Variants in SEMA6D observed in about 807,000 individuals in gnomAD.
SEMA6D encodes semaphorin-6D.
Under a neutral mutation model 106.6 loss-of-function variants are expected in SEMA6D, and 35 were observed. The ratio of observed to expected loss-of-function variants is 0.33; its 90% CI spans 0.25 to 0.44. The LOEUF (loss-of-function observed/expected upper bound fraction) is 0.44. Among genes scored for constraint, SEMA6D ranks in the 20% least tolerant of loss-of-function variants. SEMA6D has a pLI of 1.00. For missense variants in SEMA6D, 1,185 were observed against 1,345.9 expected (o/e 0.88, Z 1.87); for synonymous variants, 499 against 487.7 (o/e 1.02, Z -0.31).
At chr15:47,658,178 A>G (rs772938685) in intron 4 of SEMA6D, among the ~76,000 whole-genome samples, 6 of 152,230 alleles carry the variant, frequency 3.9e-5, no homozygotes, top group Middle Eastern at 3.2e-3. Context: ...TGACTTATAA[A>G]AATAGTAAGA....
At position 47,763,877 on chromosome 15, in the gene SEMA6D, T is replaced by C; in HGVS notation, c.775T>C (p.Cys259Arg). 1 of 1,613,604 alleles carries C rather than the reference T, an allele frequency of 6.2e-7. No individual in the cohort carries two copies. Among genetic ancestry groups the C allele is most frequent in the Non-Finnish European group, 8.5e-7 (1 of 1,179,868 alleles). Residue 259 changes from cysteine (C) to arginine (R), a missense_variant, in exon 10 of 19, where the codon TGT (cysteine) becomes CGT (arginine). This residue lies in a region of SEMA6D where 291 missense variants were observed against 423.8 expected (regional missense o/e 0.69). Transcript: ENST00000536845. ...KAVYSRVARICKNDMGGSQRV... is the reference protein window; with the variant it reads ...KAVYSRVARIRKNDMGGSQRV... The stretch of plus-strand genomic sequence containing the variant: ...TGTGTATTCCCGCGTGGCCCGCATA[T>C]GTAAAAACGACATGGGTGGTTCCCA...
At chr15:47,286,016 C>T (rs1364823506) in intron 1 of SEMA6D, among the ~76,000 whole-genome samples, 1 of 152,110 alleles carries the variant, frequency 6.6e-6, no homozygotes. Flanking sequence ...GCTTATGCGC[C>T]AGCTTAATCA....
At chr15:47,571,268 GA>G (rs946805814) in intron 3 of SEMA6D, among the ~76,000 whole-genome samples, 19 of 148,528 alleles carry the variant, frequency 1.3e-4, no homozygotes, top group Middle Eastern at 3.5e-3. Flanking sequence ...AACTGGAAAA[GA>G]AAAAAAAAAT....
intron 1 of SEMA6D, among the ~76,000 whole-genome samples, chr15:47,185,934 T>C (rs1893535163): frequency 6.6e-6 from 1 of 152,158 alleles, no homozygotes; most frequent in Non-Finnish European, 1.5e-5. Context: ...GAATAAGCTC[T>C]TGACAAGAGA....
intron 2 of SEMA6D, among the ~76,000 whole-genome samples, chr15:47,421,319 G>C (rs1372986762): frequency 6.6e-6 from 1 of 152,042 alleles, no homozygotes; most frequent in Non-Finnish European, 1.5e-5. Flanking sequence ...CTGGTGTCTG[G>C]CTTTGCTACT....
At chr15:47,646,121 C>T (rs1046930361) in intron 4 of SEMA6D, among the ~76,000 whole-genome samples, 4 of 152,124 alleles carry the variant, frequency 2.6e-5, no homozygotes, top group Admixed American at 6.5e-5. Context: ...TTCTATCCTC[C>T]CCAGAGGTTG....
At chr15:47,199,742 C>G (rs1197669992) in intron 1 of SEMA6D, among the ~76,000 whole-genome samples, 1 of 152,092 alleles carries the variant, frequency 6.6e-6, no homozygotes, top group Non-Finnish European at 1.5e-5. Flanking sequence ...TCTCCTCTCT[C>G]CTGCCTTCTC....
chr15:47,343,182 C>T (rs2144551054), intron 1 of SEMA6D, among the ~76,000 whole-genome samples: 1 of 151,604 alleles, frequency 6.6e-6, no homozygotes, highest in South Asian at 2.1e-4. Context: ...GTTTTTTTGC[C>T]ACATCCATTT....
At chr15:47,232,459 A>G (rs888864453) in intron 1 of SEMA6D, among the ~76,000 whole-genome samples, 3 of 151,702 alleles carry the variant, frequency 2.0e-5, no homozygotes, top group Non-Finnish European at 4.4e-5. Flanking sequence ...TAACATTCCC[A>G]TCAGCAAGGT....
Position 47,445,198 on chromosome 15 carries a change from A to C in SEMA6D, c.-158-25276A>C, listed in dbSNP as rs951894804. Among the ~76,000 whole-genome samples the C allele has an allele frequency of 2.0e-5, 3 of 152,182 alleles. No individual in the cohort carries two copies. The South Asian group carries it at 6.2e-4, about 32-fold the overall frequency. On this transcript the variant is annotated intron_variant, in intron 2 of 19. Transcript: ENST00000558014. ...TATGGTTTGTGGCTTATATAGGTAC[A>C]GAAGAGGGGGGTGTGGTGGGTAAAA...
At chr15:47,452,427 T>C (rs1467158068) in intron 2 of SEMA6D, among the ~76,000 whole-genome samples, 1 of 151,928 alleles carries the variant, frequency 6.6e-6, no homozygotes, top group Non-Finnish European at 1.5e-5. Context: ...GTTTCTAAGC[T>C]CCAGTTTATA....
At chr15:47,696,104 G>A (rs777003877) in intron 4 of SEMA6D, among the ~76,000 whole-genome samples, 1 of 152,054 alleles carries the variant, frequency 6.6e-6, no homozygotes, top group Admixed American at 6.6e-5. Context: ...CCCTTAACGC[G>A]CTTCCTTGAC....
chr15:47,314,671 CTT>C (rs996802925), intron 1 of SEMA6D, among the ~76,000 whole-genome samples: 4 of 148,328 alleles, frequency 2.7e-5, no homozygotes, highest in African/African-American at 9.8e-5. Flanking sequence ...TCAGATACTT[CTT>C]TTGCAAATAT....
At chr15:47,738,473 A>C (rs2080588045) in intron 1 of SEMA6D, among the ~76,000 whole-genome samples, 1 of 152,212 alleles carries the variant, frequency 6.6e-6, no homozygotes, top group African/African-American at 2.4e-5. Context: ...TTTTAAAAAG[A>C]CTGGGACAAG....
chr15:47,408,120 AC>A (rs1171145132), intron 1 of SEMA6D, among the ~76,000 whole-genome samples: 1 of 152,060 alleles, frequency 6.6e-6, no homozygotes, highest in African/African-American at 2.4e-5. Flanking sequence ...CATCCTTGTG[AC>A]CTGGTGTGGA....
intron 1 of SEMA6D, among the ~76,000 whole-genome samples, chr15:47,314,954 C>T (rs1406017533): frequency 3.6e-5 from 5 of 140,558 alleles, no homozygotes; most frequent in African/African-American, 1.3e-4. Context: ...CAAGCTCCGC[C>T]TCCCGGGTTC....
intron 3 of SEMA6D, among the ~76,000 whole-genome samples, chr15:47,503,029 G>C (rs2141630457): frequency 6.6e-6 from 1 of 152,140 alleles, no homozygotes. Context: ...TTTTTGCCTT[G>C]AGTGGTGTCC....
intron 3 of SEMA6D, among the ~76,000 whole-genome samples, chr15:47,502,446 A>T (rs1299512038): frequency 6.6e-6 from 1 of 152,190 alleles, no homozygotes; most frequent in Non-Finnish European, 1.5e-5. Context: ...CCTGCCCCCT[A>T]AATGAAAGGG....
At chr15:47,504,508 A>G (rs1344984317) in intron 3 of SEMA6D, among the ~76,000 whole-genome samples, 1 of 152,160 alleles carries the variant, frequency 6.6e-6, no homozygotes, top group Non-Finnish European at 1.5e-5. Context: ...AAAGCAGGAG[A>G]TCCAGGGAGC....
Sources: allele counts gnomAD v4.1 joint callset (sites outside exome capture counted in the v4.1 genomes callset), GRCh38; gene constraint gnomAD v4.1.1; regional missense constraint gnomAD v4.1.1; transcripts MANE v1.5; gene names NCBI Gene and HGNC (gene_info 2026-07-23, HGNC 2026-07-21).